HYCC1: variants seen among roughly 807,000 people sequenced by gnomAD.
HYCC1 encodes the protein hyccin PI4KA lipid kinase complex subunit 1.
At chr7:22,976,752 C>A in the HYCC1 span, 1 of 1,613,738 alleles carries the variant, frequency 6.2e-7, no homozygotes, top group Non-Finnish European at 8.5e-7. Flanking sequence ...CCACTTTTGA[C>A]AAACCATGCT....
the HYCC1 span, among the ~76,000 whole-genome samples, chr7:23,007,243 A>G: frequency 1.3e-5 from 2 of 152,184 alleles, no homozygotes; most frequent in African/African-American, 4.8e-5. Flanking sequence ...TCTCAGTAAT[A>G]TGGGGTGAAG....
the HYCC1 span, chr7:22,943,077 TCA>T: frequency 6.6e-6 from 1 of 152,160 alleles, no homozygotes; most frequent in African/African-American, 2.4e-5. Context: ...GCACCCCTTT[TCA>T]CACTTAAAAT....
chr7:23,012,926 CT>C, the HYCC1 span, among the ~76,000 whole-genome samples: 1 of 152,298 alleles, frequency 6.6e-6, no homozygotes, highest in African/African-American at 2.4e-5. Context: ...CAGCTTGGCC[CT>C]ACTGCCTGTA....
the HYCC1 span, among the ~76,000 whole-genome samples, chr7:22,928,577 C>T: frequency 6.6e-6 from 1 of 152,128 alleles, no homozygotes; most frequent in Non-Finnish European, 1.5e-5. Context: ...GAGTGAACTC[C>T]CATTCACAAT....
the HYCC1 span, among the ~76,000 whole-genome samples, chr7:22,932,037 G>C: frequency 3.3e-5 from 5 of 152,148 alleles, no homozygotes; most frequent in Admixed American, 6.5e-5. Flanking sequence ...CAAAAGATGA[G>C]AAAATATGGT....
At chr7:22,928,994 T>C in the HYCC1 span, among the ~76,000 whole-genome samples, 5 of 152,106 alleles carry the variant, frequency 3.3e-5, no homozygotes, top group African/African-American at 1.2e-4. Context: ...AAAACAGAGA[T>C]ATAGACCAAT....
the HYCC1 span, among the ~76,000 whole-genome samples, chr7:22,963,779 C>T: frequency 6.6e-6 from 1 of 152,142 alleles, no homozygotes; most frequent in Non-Finnish European, 1.5e-5. Context: ...GCCCACAGAC[C>T]ATAAATTCTG....
the HYCC1 span, among the ~76,000 whole-genome samples, chr7:22,902,163 G>T: frequency 6.6e-6 from 1 of 151,988 alleles, no homozygotes. Flanking sequence ...GAAATTAAAT[G>T]CAAGCTTTCA....
At chr7:22,926,112 C>G in the HYCC1 span, among the ~76,000 whole-genome samples, 1 of 152,156 alleles carries the variant, frequency 6.6e-6, no homozygotes, top group Non-Finnish European at 1.5e-5. Flanking sequence ...AAACAAAATA[C>G]TTTACAGACA....
At chr7:22,898,600 TTTTC>T in the HYCC1 span, among the ~76,000 whole-genome samples, 2,341 of 57,768 alleles carry the variant, frequency 0.041, 30 homozygotes, top group East Asian at 0.1. Context: ...TTTTCTTTTC[TTTTC>T]TTTTTTTTTT....
the HYCC1 span, among the ~76,000 whole-genome samples, chr7:22,998,101 C>A: frequency 6.6e-6 from 1 of 152,204 alleles, no homozygotes; most frequent in Non-Finnish European, 1.5e-5. Flanking sequence ...TGGTCATAGA[C>A]AAGATCCTCC....
At chr7:22,977,176 T>C in the HYCC1 span, among the ~76,000 whole-genome samples, 130 of 152,292 alleles carry the variant, frequency 8.5e-4, no homozygotes, top group African/African-American at 2.9e-3. Context: ...GTTCATTTAT[T>C]TTGATTTCTT....
At chr7:23,013,513 G>T in the HYCC1 span, among the ~76,000 whole-genome samples, 1 of 152,172 alleles carries the variant, frequency 6.6e-6, no homozygotes, top group South Asian at 2.1e-4. Flanking sequence ...GGGAGGGGAC[G>T]GGGGGCTCCC....
At chr7:22,985,254 G>A in the HYCC1 span, among the ~76,000 whole-genome samples, 3 of 152,088 alleles carry the variant, frequency 2.0e-5, no homozygotes, top group Non-Finnish European at 2.9e-5. Flanking sequence ...AGGTGGATGT[G>A]TGCATAAATT....
the HYCC1 span, among the ~76,000 whole-genome samples, chr7:22,994,226 T>C: frequency 1.3e-5 from 2 of 152,224 alleles, no homozygotes; most frequent in African/African-American, 2.4e-5. Flanking sequence ...TACAGTATAC[T>C]GTACAATATC....
chr7:22,918,360 A>G, the HYCC1 span, among the ~76,000 whole-genome samples: 3 of 152,014 alleles, frequency 2.0e-5, no homozygotes, highest in Non-Finnish European at 4.4e-5. Context: ...CCACAATATC[A>G]TCCCTTACCA....
the HYCC1 span, among the ~76,000 whole-genome samples, chr7:22,933,662 C>T: frequency 6.6e-6 from 1 of 152,028 alleles, no homozygotes; most frequent in Admixed American, 6.6e-5. Context: ...TTAATCCATT[C>T]TTCAATATGC....
At chr7:22,935,033 A>AAGGAAAAACTCCT in the HYCC1 span, 2 of 152,220 alleles carry the variant, frequency 1.3e-5, no homozygotes, top group Admixed American at 1.3e-4. Flanking sequence ...CAGCTTTAAA[A>AAGGAAAAACTCCT]TCAGGGCTAA....
At chr7:22,991,495 TAAG>T in the HYCC1 span, among the ~76,000 whole-genome samples, 3 of 152,140 alleles carry the variant, frequency 2.0e-5, no homozygotes, top group Non-Finnish European at 4.4e-5. Context: ...TGTGAAAATA[TAAG>T]AAGACACGCA....
Sources: allele counts gnomAD v4.1 joint callset (sites outside exome capture counted in the v4.1 genomes callset), GRCh38; gene constraint gnomAD v4.1.1; transcripts MANE v1.5; gene names NCBI Gene and HGNC (gene_info 2026-07-23, HGNC 2026-07-21).